Variants in ENTHD1 observed in about 807,000 individuals in gnomAD.
ENTHD1 encodes ENTH domain containing 1, also known as ENTH domain-containing protein 1.
Under a neutral mutation model 39.1 loss-of-function variants are expected in ENTHD1, and 23 were observed. The ratio of observed to expected loss-of-function variants is 0.59; its 90% CI spans 0.42 to 0.83. ENTHD1 has a LOEUF of 0.83. Among genes scored for constraint, ENTHD1 ranks in the 40% least tolerant of loss-of-function variants. The pLI is 0.00. For synonymous variants in ENTHD1, 230 were observed against 258.2 expected, an observed-to-expected ratio of 0.89 and a Z score of 1.05; for missense variants, 624 against 705.4, an observed-to-expected ratio of 0.88 and a Z score of 1.31.
At chr22:39,776,931 T>C (rs948900042) in intron 5 of ENTHD1, among the ~76,000 whole-genome samples, 4 of 152,230 alleles carry the variant, frequency 2.6e-5, no homozygotes, top group Admixed American at 1.3e-4. Flanking sequence ...TTATTTTGTA[T>C]TCATTATTGT....
intron 6 of ENTHD1, among the ~76,000 whole-genome samples, chr22:39,764,420 G>A (rs2065258837): frequency 2.0e-5 from 3 of 152,174 alleles, no homozygotes; most frequent in South Asian, 2.1e-4. Flanking sequence ...TGAAGCTGCA[G>A]TGAGCTATGA....
At position 39,855,740 on chromosome 22, in the gene ENTHD1, A is replaced by C. The variant is rs368401381; in HGVS notation, c.592+6025T>G. On this transcript the variant is annotated intron_variant, in intron 3 of 6. Coordinates refer to ENST00000325157, the MANE Select transcript of ENTHD1 (RefSeq NM_152512.4). ...GGAAGTGGATCATGAAGTGGAACTT[A>C]AACGCTGAGTTTGGTGGAGCAATGA... 5.9e-5 allele frequency among the ~76,000 whole-genome samples: 9 copies of C among 152,334 alleles called. No homozygotes were observed. The East Asian group carries it at 1.3e-3, about 23-fold the overall frequency.
chr22:39,763,804 C>T (rs1264620366), intron 6 of ENTHD1, among the ~76,000 whole-genome samples: 2 of 152,118 alleles, frequency 1.3e-5, no homozygotes, highest in African/African-American at 4.8e-5. Flanking sequence ...GTACTTGGTA[C>T]ACTCACAGCG....
intron 2 of ENTHD1, among the ~76,000 whole-genome samples, chr22:39,868,176 C>T (rs2066205294): frequency 1.3e-5 from 2 of 151,748 alleles, no homozygotes; most frequent in African/African-American, 4.8e-5. Flanking sequence ...CAGGAGGATA[C>T]ACATGCAGTC....
intron 5 of ENTHD1, among the ~76,000 whole-genome samples, chr22:39,779,400 A>T (rs1365935057): frequency 6.6e-6 from 1 of 152,136 alleles, no homozygotes; most frequent in Admixed American, 6.6e-5. Context: ...TTTAACAAAG[A>T]TCCAAATAGA....
intron 5 of ENTHD1, among the ~76,000 whole-genome samples, chr22:39,790,233 T>C: frequency 6.6e-6 from 1 of 152,156 alleles, no homozygotes; most frequent in East Asian, 1.9e-4. Context: ...TTGGCTTTTA[T>C]GTGAAGAGGG....
chr22:39,801,133 T>G (rs967290293), intron 5 of ENTHD1, among the ~76,000 whole-genome samples: 1 of 152,180 alleles, frequency 6.6e-6, no homozygotes, highest in Non-Finnish European at 1.5e-5. Flanking sequence ...CTGTTCCAAG[T>G]TTATAGGTAG....
chr22:39,804,205 G>A (rs922772200), intron 5 of ENTHD1, among the ~76,000 whole-genome samples: 1 of 151,764 alleles, frequency 6.6e-6, no homozygotes, highest in African/African-American at 2.4e-5. Flanking sequence ...AAAAGAAAAG[G>A]CTGAGTGCAG....
chr22:39,878,322 A>T (rs1219243709), intron 2 of ENTHD1, among the ~76,000 whole-genome samples: 1 of 152,174 alleles, frequency 6.6e-6, no homozygotes, highest in Non-Finnish European at 1.5e-5. Context: ...ACTATGGGAC[A>T]ACTATAAAAG....
At chr22:39,800,182 G>A (rs962714971) in intron 5 of ENTHD1, among the ~76,000 whole-genome samples, 13 of 152,196 alleles carry the variant, frequency 8.5e-5, no homozygotes, top group African/African-American at 3.1e-4. Context: ...CCACACTGGG[G>A]AGCCTCTCCA....
At chr22:39,759,645 T>C (rs1366187126) in intron 6 of ENTHD1, among the ~76,000 whole-genome samples, 2 of 152,058 alleles carry the variant, frequency 1.3e-5, no homozygotes, top group Non-Finnish European at 2.9e-5. Context: ...TTTCCAAGCA[T>C]CTTAAGTTAG....
chr22:39,890,941 T>C (rs2066421785), intron 1 of ENTHD1, among the ~76,000 whole-genome samples: 1 of 152,218 alleles, frequency 6.6e-6, no homozygotes, highest in African/African-American at 2.4e-5. Context: ...TATATGTTGG[T>C]TTATTATGTG....
chr22:39,887,369 C>A, intron 2 of ENTHD1, 31 bp downstream of exon 2: 1 of 1,558,408 alleles, frequency 6.4e-7, no homozygotes, highest in Non-Finnish European at 8.7e-7. Flanking sequence ...CACCACCACA[C>A]CCAGCTTATA....
intron 5 of ENTHD1, among the ~76,000 whole-genome samples, chr22:39,766,135 C>T (rs1383130812): frequency 5.3e-5 from 8 of 149,990 alleles, no homozygotes; most frequent in Admixed American, 4.6e-4. Context: ...TAAAGAAACT[C>T]AGTACTTTAG....
rs374392116 is a variant in ENTHD1, at chr22:39,744,244, A to G, written c.1259T>C (p.Leu420Ser). Reference protein sequence around the residue: ...ASEGASSFSPLSMSSPDLASP... With the variant: ...ASEGASSFSPSSMSSPDLASP... ...GGCTAAATCAGGAGATGACATGGAT[A>G]AAGGAGAAAAGGAAGATGCTCCCTC... The change falls in exon 7 of 7, where the codon TTA (leucine) becomes TCA (serine). Residue 420 changes from leucine to serine, a missense_variant. Leu to Ser is a moderately radical substitution (Grantham distance 145, BLOSUM62 -2). Coordinates refer to ENST00000325157, the MANE Select transcript of ENTHD1 (RefSeq NM_152512.4). The G allele has an allele frequency of 6.1e-5, 98 of 1,606,976 alleles. 4 individuals are homozygous for G. Among genetic ancestry groups the G allele is most frequent in the South Asian group, 4.4e-4 (39 of 89,118 alleles).
chr22:39,862,622 G>T (rs2066152034), intron 2 of ENTHD1, among the ~76,000 whole-genome samples: 1 of 151,988 alleles, frequency 6.6e-6, no homozygotes, highest in Non-Finnish European at 1.5e-5. Context: ...CAAAGAAGGG[G>T]TATGAATTAG....
intron 3 of ENTHD1, among the ~76,000 whole-genome samples, 154 bp from the exon 4 acceptor site, chr22:39,836,112 AC>A (rs1293183891): frequency 6.6e-6 from 1 of 152,190 alleles, no homozygotes; most frequent in East Asian, 1.9e-4. Flanking sequence ...AGTGTTAATC[AC>A]TTTAATATGT....
intron 4 of ENTHD1, among the ~76,000 whole-genome samples, chr22:39,826,797 G>A (rs560151064): frequency 2.6e-5 from 4 of 150,948 alleles, no homozygotes; most frequent in Non-Finnish European, 5.9e-5. Context: ...AATCTCCGTA[G>A]CTTCCACTCA....
intron 6 of ENTHD1, among the ~76,000 whole-genome samples, chr22:39,760,609 C>T (rs562003857): frequency 2.0e-5 from 3 of 152,098 alleles, no homozygotes; most frequent in Non-Finnish European, 2.9e-5. Flanking sequence ...GTTTATTCCA[C>T]TTCCATTTAA....
Sources: gnomAD v4.1 joint callset for allele counts (sites outside exome capture counted in the v4.1 genomes callset) on GRCh38, gnomAD v4.1.1 for gene constraint, MANE v1.5 for transcripts, NCBI Gene and HGNC (gene_info 2026-07-23, HGNC 2026-07-21) for gene names.